SLC35B3: variants seen among roughly 807,000 people sequenced by gnomAD.
SLC35B3 encodes the protein solute carrier family 35 member B3.
SLC35B3 carries 35 observed loss-of-function variants against 44.1 expected under a neutral mutation model. That is an observed-to-expected ratio of 0.79 (90% confidence interval 0.61 to 1.05). The LOEUF (loss-of-function observed/expected upper bound fraction) is 1.05. Ranked by LOEUF, SLC35B3 falls within the 50% of genes least tolerant of loss-of-function variation. The pLI is 0.00. For synonymous variants in SLC35B3, 146 were observed against 167.3 expected (o/e 0.87, Z 0.98); for missense variants, 414 against 476.4 (o/e 0.87, Z 1.22).
intron 4 of SLC35B3, among the ~76,000 whole-genome samples, chr6:8,423,508 C>A (rs899262392): frequency 2.6e-5 from 4 of 152,192 alleles, no homozygotes; most frequent in Non-Finnish European, 1.5e-5. Flanking sequence ...TGAGCCATTA[C>A]TGTGAGCATA....
rs1435636380 is a variant in SLC35B3 at position 8,412,576 on chromosome 6, C to T, written c.*973G>A. 1.3e-5 allele frequency among the ~76,000 whole-genome samples: 2 copies of T among 152,118 alleles called. No homozygotes were observed. The highest frequency in any genetic ancestry group is 2.9e-5 in the Non-Finnish European group (2 of 68,028). ...ATGATGTCTGTTTTTACTACCTTGC[C>T]TATATTCTACATAAAACTTAAAGCA... On this transcript the variant is annotated 3_prime_UTR_variant, in exon 11 of 11. Coordinates refer to ENST00000644923, the MANE Select transcript of SLC35B3 (RefSeq NM_001370476.2).
In SLC35B3 at chr6:8,419,759, T is replaced by G. The variant is rs1762730370; in HGVS notation, c.683-82A>C. On this transcript the variant is annotated intron_variant, in intron 6 of 10. Coordinates refer to ENST00000644923, the MANE Select transcript of SLC35B3 (RefSeq NM_001370476.2). This position sits in a 1 kb window ranked among gnomAD's most constrained non-coding sequence, Gnocchi z 4.3. ...ACTATAATCAAGCTTTATCAGAAAT[T>G]TCATTGGTCTAAAAAACAAAAGCAG... The G allele has an allele frequency of 4.0e-6, 3 of 745,312 alleles. No individual in the cohort carries two copies. Among genetic ancestry groups the G allele is most frequent in the Non-Finnish European group, 6.2e-6 (3 of 481,354 alleles). The allele number at this position is 745,312 out of a possible 1,614,324, so 46.2% of individuals were successfully genotyped here. A position where few individuals can be genotyped will look rare whatever the true frequency, so the allele number is the denominator to read the frequency against.
chr6:8,428,179 GTAAAT>G (rs1199144074), intron 3 of SLC35B3, 121 bp from the exon 3 acceptor site: 2 of 890,208 alleles, frequency 2.2e-6, no homozygotes, highest in Middle Eastern at 2.4e-4. Context: ...ACAACAAAAT[GTAAAT>G]TAGAGAGGTT....
At position 8,434,556 on chromosome 6, in the gene SLC35B3, A is replaced by G; in HGVS notation, c.-43-126T>C. 3.1e-6 allele frequency: 2 copies of G among 655,732 alleles called. No homozygotes were observed. Among genetic ancestry groups the G allele is most frequent in the Non-Finnish European group, 4.6e-6 (2 of 432,172 alleles). 40.6% of individuals were successfully genotyped at this position (655,732 alleles called of 1,614,324 possible). A position where few individuals can be genotyped will look rare whatever the true frequency, so the allele number is the denominator to read the frequency against. On this transcript the variant is annotated intron_variant, in intron 1 of 10. Transcript: ENST00000644923. This position sits in a 1 kb window ranked among gnomAD's most constrained non-coding sequence, Gnocchi z 6.3. ...AAGACTATTCTTTTTTTTTTCCAAG[A>G]GAAAAAGTTAACACTAGGACTTTAT...
chr6:8,417,143 G>T lies in SLC35B3; in HGVS notation c.874-148C>A, dbSNP rs920270989. Reference sequence around the variant, plus strand: ...GCAAAGATTCTTATTTTGATTTAATGAAAAAAAAATGTTGAAATTAAAGAT... The same window carrying T: ...GCAAAGATTCTTATTTTGATTTAATTAAAAAAAAATGTTGAAATTAAAGAT... On this transcript the variant is annotated intron_variant, in intron 8 of 10. Coordinates refer to ENST00000644923, the MANE Select transcript of SLC35B3 (RefSeq NM_001370476.2). The T allele has an allele frequency of 1.8e-5, 10 of 557,180 alleles. No individual in the cohort carries two copies. In the Admixed American group the frequency reaches 1.9e-4, roughly 11 times the overall value. The allele number at this position is 557,180 out of a possible 1,614,324, so 34.5% of individuals were successfully genotyped here.
chr6:8,413,722 A>AAAAATT, intron 10 of SLC35B3, 23 bp from the exon 10 acceptor site: 1 of 1,415,328 alleles, frequency 7.1e-7, no homozygotes, highest in Non-Finnish European at 9.5e-7. Context: ...AATAAGGAAA[A>AAAAATT]AAAATTAAAA....
intron 7 of SLC35B3, among the ~76,000 whole-genome samples, chr6:8,418,500 CAT>C (rs1762612128): frequency 6.7e-6 from 1 of 149,416 alleles, no homozygotes; most frequent in African/African-American, 2.5e-5. Flanking sequence ...CATACACACA[CAT>C]AATTTTCCTA....
intron 7 of SLC35B3, among the ~76,000 whole-genome samples, chr6:8,418,077 C>T (rs1762579960): frequency 6.6e-6 from 1 of 152,018 alleles, no homozygotes; most frequent in Non-Finnish European, 1.5e-5. Context: ...CACAACCACC[C>T]TAGATATGGG....
intron 10 of SLC35B3, 73 bp downstream of exon 9, chr6:8,414,829 GTTGAAA>G (rs1464906534): frequency 3.1e-5 from 23 of 732,906 alleles, no homozygotes; most frequent in Non-Finnish European, 4.5e-5. Context: ...AAGTAGAAAA[GTTGAAA>G]TTAAGATTAA....
intron 5 of SLC35B3, among the ~76,000 whole-genome samples, chr6:8,421,812 T>G (rs1416452491): frequency 1.3e-5 from 2 of 152,016 alleles, no homozygotes; most frequent in Non-Finnish European, 2.9e-5. Context: ...CCCTGGAGAG[T>G]AGAAGAATGA....
intron 4 of SLC35B3, among the ~76,000 whole-genome samples, chr6:8,426,384 T>A (rs1425299816): frequency 6.6e-6 from 1 of 152,214 alleles, no homozygotes; most frequent in African/African-American, 2.4e-5. Context: ...TCATCTGGAA[T>A]TGTACTCCCA....
At chr6:8,421,097 GAAT>G (rs1257279304) in intron 5 of SLC35B3, among the ~76,000 whole-genome samples, 10 of 152,090 alleles carry the variant, frequency 6.6e-5, no homozygotes, top group Non-Finnish European at 1.3e-4. Context: ...CTGACAGCAA[GAAT>G]AATGCACATC....
chr6:8,431,880 CA>C (rs1764023683), intron 2 of SLC35B3, among the ~76,000 whole-genome samples: 1 of 152,218 alleles, frequency 6.6e-6, no homozygotes, highest in African/African-American at 2.4e-5. Context: ...CCTCCACTCT[CA>C]ATAAAGCCCT....
intron 4 of SLC35B3, among the ~76,000 whole-genome samples, chr6:8,426,927 G>A (rs1763469236): frequency 6.6e-6 from 1 of 152,142 alleles, no homozygotes; most frequent in African/African-American, 2.4e-5. Flanking sequence ...ATGGACATGA[G>A]GAACTTGTTG....
intron 9 of SLC35B3, among the ~76,000 whole-genome samples, chr6:8,416,661 G>A (rs905233319): frequency 6.6e-6 from 1 of 152,082 alleles, no homozygotes; most frequent in Non-Finnish European, 1.5e-5. Context: ...TCTGATAAAT[G>A]TATATGTTTG....
intron 4 of SLC35B3, among the ~76,000 whole-genome samples, chr6:8,423,771 G>GTT (rs1460582611): frequency 2.6e-5 from 4 of 152,194 alleles, no homozygotes; most frequent in African/African-American, 9.6e-5. Flanking sequence ...ATTCTGAGGG[G>GTT]TTTTTTTCTA....
At position 8,412,810 on chromosome 6, in the gene SLC35B3, A is replaced by G. The variant is rs559485142; in HGVS notation, c.*739T>C. On this transcript the variant is annotated 3_prime_UTR_variant, in exon 11 of 11. Transcript: ENST00000644923. The stretch of plus-strand genomic sequence containing the variant: ...GGTTCATAACAGGGTTCCCGCTGCT[A>G]TGAGAATCTAACGCTGCTGCTGATC... Among the ~76,000 whole-genome samples, 5 of 152,178 alleles carry G rather than the reference A, an allele frequency of 3.3e-5. No individual in the cohort carries two copies. The highest frequency in any genetic ancestry group is 7.3e-5 in the Non-Finnish European group (5 of 68,044).
chr6:8,415,904 C>G (rs980573616), intron 9 of SLC35B3, among the ~76,000 whole-genome samples: 1 of 152,104 alleles, frequency 6.6e-6, no homozygotes, highest in Non-Finnish European at 1.5e-5. Flanking sequence ...CTTACTCCAT[C>G]CCACTGCATA....
rs765031703 is a variant in SLC35B3 at position 8,422,599 on chromosome 6, TTATCATG to T, written c.438_444del (p.Tyr146Ter). 6.2e-7 allele frequency: 1 copy of T among 1,610,796 alleles called. No homozygotes were observed. Among genetic ancestry groups the T allele is most frequent in the South Asian group, 1.1e-5 (1 of 90,050 alleles). On this transcript the variant is annotated frameshift_variant, in exon 5 of 11. Transcript: ENST00000644923. LOFTEE classifies it high-confidence loss of function. ...ATAGTACCCACAGTTAGAAAAGCTA[TTATCATG>T]TAGGTTTTTCCTGGTATTCTGTAAA...
Sources: gnomAD v4.1 joint callset for allele counts (sites outside exome capture counted in the v4.1 genomes callset) on GRCh38, gnomAD v4.1.1 for gene constraint, Gnocchi (gnomAD v3.1) non-coding constraint, MANE v1.5 for transcripts, NCBI Gene and HGNC (gene_info 2026-07-23, HGNC 2026-07-21) for gene names.